WWOX: variants seen among roughly 807,000 people sequenced by gnomAD.
The protein encoded by WWOX is WW domain containing oxidoreductase.
Under a neutral mutation model 46.2 loss-of-function variants are expected in WWOX, and 69 were observed. The ratio of observed to expected loss-of-function variants is 1.49; its 90% CI spans 1.23 to 1.82. WWOX has a LOEUF of 1.82. Among genes scored for constraint, WWOX ranks in the 40% most tolerant of loss-of-function variants. WWOX has a pLI of 0.00. For synonymous variants in WWOX, 359 were observed against 202.6 expected (o/e 1.77, Z -6.56); for missense variants, 919 against 542.6 (o/e 1.69, Z -6.89).
intron 4 of WWOX, among the ~76,000 whole-genome samples, chr16:78,161,645 G>A (rs1445689907): frequency 6.6e-6 from 1 of 152,100 alleles, no homozygotes; most frequent in Non-Finnish European, 1.5e-5. Flanking sequence ...TGTAGAGACA[G>A]AGTTTTGCTA....
At chr16:78,323,396 C>T (rs4992886) in intron 5 of WWOX, among the ~76,000 whole-genome samples, 18,866 of 152,178 alleles carry the variant, frequency 0.12, 1,508 homozygotes, top group East Asian at 0.24. Context: ...TGAGCCACTG[C>T]GCCCGGCCGG....
chr16:79,195,474 G>A (rs555647707), intron 8 of WWOX, among the ~76,000 whole-genome samples: 2 of 152,238 alleles, frequency 1.3e-5, no homozygotes, highest in South Asian at 2.1e-4. Flanking sequence ...CCTGAGGAGG[G>A]ACTCATAGGA....
intron 5 of WWOX, among the ~76,000 whole-genome samples, chr16:78,213,269 A>AG (rs2036616724): frequency 6.6e-6 from 1 of 151,468 alleles, no homozygotes; most frequent in Non-Finnish European, 1.5e-5. Flanking sequence ...AAAAAAAAAA[A>AG]AAATCTTTCA....
At chr16:78,238,939 T>C (rs191805687) in intron 5 of WWOX, among the ~76,000 whole-genome samples, 21 of 152,198 alleles carry the variant, frequency 1.4e-4, no homozygotes, top group Non-Finnish European at 2.6e-4. Flanking sequence ...GAATTAGGAA[T>C]ACTGAAGGCA....
intron 5 of WWOX, among the ~76,000 whole-genome samples, chr16:78,174,578 T>A (rs927149812): frequency 7.9e-5 from 12 of 152,338 alleles, no homozygotes; most frequent in African/African-American, 2.9e-4. Flanking sequence ...CCCAAAATCT[T>A]AACTCATTCC....
chr16:78,928,429 C>G (rs931657926), intron 8 of WWOX, among the ~76,000 whole-genome samples: 7 of 151,956 alleles, frequency 4.6e-5, no homozygotes, highest in African/African-American at 1.5e-4. Flanking sequence ...GTCTCGATCT[C>G]CTGACCTCGT....
At chr16:78,152,022 C>A (rs1321769116) in intron 4 of WWOX, among the ~76,000 whole-genome samples, 1 of 152,142 alleles carries the variant, frequency 6.6e-6, no homozygotes, top group East Asian at 1.9e-4. Flanking sequence ...AACCCCGTCT[C>A]TACTAAAAAT....
chr16:78,166,123 G>A (rs1244460886), intron 5 of WWOX, among the ~76,000 whole-genome samples: 2 of 151,878 alleles, frequency 1.3e-5, no homozygotes. Context: ...CCAGAAAAAG[G>A]TTATCTATAT....
At chr16:78,962,786 G>T (rs1266423585) in intron 8 of WWOX, among the ~76,000 whole-genome samples, 3 of 152,154 alleles carry the variant, frequency 2.0e-5, no homozygotes, top group African/African-American at 7.2e-5. Flanking sequence ...AGGCTCATCT[G>T]TTCCCCTTTC....
intron 8 of WWOX, among the ~76,000 whole-genome samples, chr16:78,622,317 C>T (rs1002627974): frequency 5.9e-5 from 9 of 152,008 alleles, no homozygotes; most frequent in Non-Finnish European, 1.3e-4. Context: ...CCGAGGCAGG[C>T]AGATCACCTG....
intron 8 of WWOX, among the ~76,000 whole-genome samples, chr16:78,569,866 T>G (rs1381750216): frequency 1.3e-5 from 2 of 152,254 alleles, no homozygotes; most frequent in Non-Finnish European, 2.9e-5. Flanking sequence ...GACAGGCTGC[T>G]GCTTCTAGCT....
At chr16:78,746,615 A>G (rs1190486544) in intron 8 of WWOX, among the ~76,000 whole-genome samples, 2 of 149,644 alleles carry the variant, frequency 1.3e-5, no homozygotes, top group Non-Finnish European at 3.0e-5. Context: ...TTTTCATGGG[A>G]TATTAGTCAA....
At chr16:78,847,137 A>G (rs1458217686) in intron 8 of WWOX, among the ~76,000 whole-genome samples, 1 of 152,118 alleles carries the variant, frequency 6.6e-6, no homozygotes, top group South Asian at 2.1e-4. Flanking sequence ...CTTGGAATTA[A>G]CTCATTCTCC....
At chr16:78,695,722 C>G (rs2048084563) in intron 8 of WWOX, among the ~76,000 whole-genome samples, 1 of 152,164 alleles carries the variant, frequency 6.6e-6, no homozygotes, top group Non-Finnish European at 1.5e-5. Flanking sequence ...AGTTGTCAGC[C>G]AAGAGAACCA....
chr16:78,453,159 C>G (rs887134596), intron 8 of WWOX, among the ~76,000 whole-genome samples: 2 of 152,080 alleles, frequency 1.3e-5, no homozygotes, highest in Admixed American at 6.6e-5. Flanking sequence ...TGTGGTAGCT[C>G]ACTTCTGTAA....
intron 8 of WWOX, among the ~76,000 whole-genome samples, chr16:78,888,273 AC>A (rs1217410478): frequency 6.6e-6 from 1 of 152,030 alleles, no homozygotes; most frequent in Non-Finnish European, 1.5e-5. Context: ...TGACTTGAGA[AC>A]CCACTTTGGG....
At chr16:78,180,052 T>C (rs543142146) in intron 5 of WWOX, among the ~76,000 whole-genome samples, 1 of 152,368 alleles carries the variant, frequency 6.6e-6, no homozygotes, top group African/African-American at 2.4e-5. Context: ...AGTACTGAGC[T>C]GTGTGAATTG....
chr16:78,320,266 C>G (rs892018205), intron 5 of WWOX, among the ~76,000 whole-genome samples: 12 of 152,132 alleles, frequency 7.9e-5, no homozygotes, highest in African/African-American at 2.9e-4. Context: ...AGTACACAAG[C>G]ATTATAAGCA....
rs574743376 is a variant in WWOX, at chr16:78,177,885, T to G, written c.516+13596T>G. Among the ~76,000 whole-genome samples, 6 of 152,300 alleles carry G rather than the reference T, an allele frequency of 3.9e-5. No individual in the cohort carries two copies. The South Asian group carries it at 8.3e-4, about 21-fold the overall frequency. On this transcript the variant is annotated intron_variant, in intron 5 of 8. Coordinates refer to ENST00000566780, the MANE Select transcript of WWOX (RefSeq NM_016373.4). ...ACGGGGACTGAACAGACTTGCTTAG[T>G]TCCTGACATTCAAGGAAGAACTTTA...
Sources: gnomAD v4.1 joint callset for allele counts (sites outside exome capture counted in the v4.1 genomes callset) on GRCh38, gnomAD v4.1.1 for gene constraint, MANE v1.5 for transcripts, NCBI Gene and HGNC (gene_info 2026-07-23, HGNC 2026-07-21) for gene names.